The following SSBP2 variants were observed in gnomAD, a reference collection of about 807,000 sequenced individuals.
SSBP2 encodes the protein single-stranded DNA-binding protein 2.
A neutral mutation model predicts 61.8 loss-of-function variants in SSBP2; 17 were observed. The observed-to-expected ratio is 0.28, with a 90% CI of 0.19 to 0.41. SSBP2 has a LOEUF of 0.41. SSBP2 is among the 10% of genes least tolerant of loss of function. The pLI is 1.00. For synonymous variants in SSBP2, 139 were observed against 141.3 expected, an observed-to-expected ratio of 0.98 and a Z score of 0.12; for missense variants, 310 against 458.7, an observed-to-expected ratio of 0.68 and a Z score of 2.96.
intron 1 of SSBP2, among the ~76,000 whole-genome samples, chr5:81,699,634 C>T (rs913059639): frequency 6.6e-6 from 1 of 152,152 alleles, no homozygotes; most frequent in Non-Finnish European, 1.5e-5. Context: ...CAGTGACTTC[C>T]TCAACTCCGG....
chr5:81,494,703 T>C (rs1181623806), intron 5 of SSBP2, among the ~76,000 whole-genome samples: 2 of 152,112 alleles, frequency 1.3e-5, no homozygotes, highest in African/African-American at 4.8e-5. Context: ...TCCTCATCTA[T>C]GGCATTTTAT....
chr5:81,715,067 A>T (rs1755080765), intron 1 of SSBP2, among the ~76,000 whole-genome samples: 1 of 152,164 alleles, frequency 6.6e-6, no homozygotes, highest in Non-Finnish European at 1.5e-5. Flanking sequence ...GAGAAAAGAT[A>T]ATAATTAGAG....
At chr5:81,683,209 TGAAA>T (rs1183092693) in intron 1 of SSBP2, among the ~76,000 whole-genome samples, 1 of 151,920 alleles carries the variant, frequency 6.6e-6, no homozygotes, top group Non-Finnish European at 1.5e-5. Context: ...CCAACAATAC[TGAAA>T]GAAGAATAAA....
intron 1 of SSBP2, among the ~76,000 whole-genome samples, chr5:81,658,518 C>G (rs1253872125): frequency 6.6e-6 from 1 of 152,128 alleles, no homozygotes; most frequent in South Asian, 2.1e-4. Flanking sequence ...CTACCCAGTA[C>G]AATGTAAATG....
intron 4 of SSBP2, among the ~76,000 whole-genome samples, chr5:81,518,032 G>GA: frequency 6.6e-6 from 1 of 152,090 alleles, no homozygotes; most frequent in East Asian, 1.9e-4. Context: ...TCTACACACT[G>GA]AATAACAATT....
At chr5:81,545,630 G>C (rs1007162219) in intron 4 of SSBP2, among the ~76,000 whole-genome samples, 1 of 152,138 alleles carries the variant, frequency 6.6e-6, no homozygotes, top group African/African-American at 2.4e-5. Flanking sequence ...TATTAGGTGT[G>C]ATATACTCTG....
intron 3 of SSBP2, among the ~76,000 whole-genome samples, chr5:81,628,938 A>G (rs964729887): frequency 1.3e-5 from 2 of 151,616 alleles, no homozygotes; most frequent in East Asian, 1.9e-4. Flanking sequence ...CTCTTCACCA[A>G]CTTTTCCCCC....
chr5:81,620,225 C>A (rs1390496735), intron 3 of SSBP2, among the ~76,000 whole-genome samples: 2 of 111,320 alleles, frequency 1.8e-5, no homozygotes, highest in Non-Finnish European at 3.7e-5. Context: ...AGCCCAAAAT[C>A]TCCTTAAGCT....
At chr5:81,507,109 A>T (rs1318011658) in intron 5 of SSBP2, among the ~76,000 whole-genome samples, 1 of 152,116 alleles carries the variant, frequency 6.6e-6, no homozygotes, top group East Asian at 1.9e-4. Flanking sequence ...AAAAATAGAA[A>T]GTCTAGAAAA....
In SSBP2 at chr5:81,460,429, G is replaced by A. The variant is rs142241380; in HGVS notation, c.687+626C>T. Among the ~76,000 whole-genome samples the A allele has an allele frequency of 2.3e-3, 355 of 152,198 alleles. 1 individual carries two copies. The highest frequency in any genetic ancestry group is 8.1e-3 in the African/African-American group (336 of 41,538). On this transcript the variant is annotated intron_variant, in intron 10 of 16. Transcript: ENST00000320672. Reference sequence around the variant, plus strand: ...ACAACATTAAAATCATATTAAGATCGATAGCTTAATTTTCAACCTGTGCAC... The same window carrying A: ...ACAACATTAAAATCATATTAAGATCAATAGCTTAATTTTCAACCTGTGCAC...
intron 8 of SSBP2, among the ~76,000 whole-genome samples, chr5:81,471,877 C>A (rs1483840448): frequency 6.6e-6 from 1 of 151,680 alleles, no homozygotes; most frequent in African/African-American, 2.4e-5. Context: ...CTAAATGAAC[C>A]CCTTGTTTCA....
intron 1 of SSBP2, among the ~76,000 whole-genome samples, chr5:81,722,869 A>G (rs1755629292): frequency 6.6e-6 from 1 of 151,976 alleles, no homozygotes; most frequent in Non-Finnish European, 1.5e-5. Flanking sequence ...GCATAATCAC[A>G]ATATCAAAAT....
intron 4 of SSBP2, among the ~76,000 whole-genome samples, chr5:81,601,578 G>A (rs866652964): frequency 6.3e-4 from 96 of 152,218 alleles, no homozygotes; most frequent in African/African-American, 2.1e-3. Context: ...AGATCTCTCT[G>A]TATTATTTCT....
intron 1 of SSBP2, among the ~76,000 whole-genome samples, chr5:81,749,675 A>AGG (rs1256391130): frequency 6.7e-6 from 1 of 149,404 alleles, no homozygotes; most frequent in Non-Finnish European, 1.5e-5. Context: ...TTAAAAAAAA[A>AGG]AGGGGGGGGT....
intron 5 of SSBP2, among the ~76,000 whole-genome samples, chr5:81,494,835 C>T (rs1363876141): frequency 1.3e-5 from 2 of 152,026 alleles, no homozygotes; most frequent in Non-Finnish European, 2.9e-5. Flanking sequence ...AAAAAATACT[C>T]TAATAGAAAC....
intron 1 of SSBP2, among the ~76,000 whole-genome samples, chr5:81,676,396 A>G (rs1751986045): frequency 6.6e-6 from 1 of 152,160 alleles, no homozygotes; most frequent in Admixed American, 6.6e-5. Context: ...AGACCTTCAT[A>G]TCTACAGGAG....
chr5:81,453,234 G>T (rs1032532576), intron 10 of SSBP2, among the ~76,000 whole-genome samples: 1 of 152,074 alleles, frequency 6.6e-6, no homozygotes, highest in Non-Finnish European at 1.5e-5. Flanking sequence ...GGAGGTGGAG[G>T]TTGCAGTGAG....
rs531512282 is a variant in SSBP2, at chr5:81,559,243, C to T, written c.283-45526G>A. ...TCTACTAAAAATACAAAAAATCAGC[C>T]GGGCGTGGTGGGCCGTGCCTGTAAT... On this transcript the variant is annotated intron_variant, in intron 4 of 16. Transcript: ENST00000320672. 4.6e-5 allele frequency among the ~76,000 whole-genome samples: 7 copies of T among 152,084 alleles called. No individual in the cohort carries two copies. The East Asian group carries it at 7.8e-4, about 17-fold the overall frequency.
rs143434954 is a variant in SSBP2, at chr5:81,682,033, G to C, written c.63-31694C>G. On this transcript the variant is annotated intron_variant, in intron 1 of 16. Transcript: ENST00000320672. ...CAGGAAGAAACAGACCACCTGAATA[G>C]GCCTATACCTGTATTAGAAACATTG... Among the ~76,000 whole-genome samples the C allele has an allele frequency of 3.0e-3, 462 of 152,234 alleles. 1 individual carries two copies. The highest frequency in any genetic ancestry group is 5.0e-3 in the Non-Finnish European group (342 of 68,006).
Sources: gnomAD v4.1 joint callset for allele counts (sites outside exome capture counted in the v4.1 genomes callset) on GRCh38, gnomAD v4.1.1 for gene constraint, MANE v1.5 for transcripts, NCBI Gene and HGNC (gene_info 2026-07-23, HGNC 2026-07-21) for gene names.